The following DNAH8 variants were observed in gnomAD, a reference collection of about 807,000 sequenced individuals.
DNAH8 encodes dynein axonemal heavy chain 8.
In DNAH8, 382 loss-of-function variants were observed where a neutral mutation model predicts 562.1. The ratio of observed to expected loss-of-function variants is 0.68; its 90% CI spans 0.63 to 0.74. The LOEUF (loss-of-function observed/expected upper bound fraction) is 0.74. DNAH8 is among the 30% of genes least tolerant of loss of function. The pLI is 0.00. For synonymous variants in DNAH8, 1,881 were observed against 1,919.4 expected, an observed-to-expected ratio of 0.98 and a Z score of 0.52; for missense variants, 5,203 against 5,620.4, an observed-to-expected ratio of 0.93 and a Z score of 2.37.
At chr6:38,867,781 A>T (rs1327610737) in intron 47 of DNAH8, among the ~76,000 whole-genome samples, 2 of 151,536 alleles carry the variant, frequency 1.3e-5, no homozygotes, top group Admixed American at 6.6e-5. Context: ...AACAAAAAAG[A>T]AACTATTGTT....
intron 53 of DNAH8, among the ~76,000 whole-genome samples, chr6:38,877,469 A>G (rs1440978744): frequency 1.3e-5 from 2 of 152,194 alleles, no homozygotes; most frequent in Non-Finnish European, 2.9e-5. Flanking sequence ...TCCTTCTTCA[A>G]GGTGGTCCTG....
intron 16 of DNAH8, 73 bp from the exon 17 acceptor site, chr6:38,782,931 A>T: frequency 1.5e-6 from 2 of 1,344,342 alleles, no homozygotes; most frequent in Non-Finnish European, 2.1e-6. Context: ...TTTTACATAT[A>T]AGTACTTTCA....
rs1161773577 is a variant in DNAH8 at position 38,866,852 on chromosome 6, C to T, written c.6669C>T (p.Leu2223=). The change falls in exon 47 of 93, where the codon CTC becomes CTT. Residue 2223 remains leucine, a synonymous_variant. Transcript: ENST00000327475. The part of the protein sequence containing the change: ...LAQKFYVLYK[L]CEEQLTKQVH... Reference sequence around the variant, plus strand: ...AAAAATTTTACGTTCTTTACAAACTCTGTGAAGAGCAACTTACTAAACAGG... The same window carrying T: ...AAAAATTTTACGTTCTTTACAAACTTTGTGAAGAGCAACTTACTAAACAGG... 2 of 1,608,064 alleles carry T rather than the reference C, an allele frequency of 1.2e-6. No individual in the cohort carries two copies. The highest frequency in any genetic ancestry group is 2.7e-5 in the African/African-American group (2 of 74,764).
intron 29 of DNAH8, 124 bp downstream of exon 29, chr6:38,826,515 C>T (rs969908387): frequency 2.4e-5 from 16 of 664,194 alleles, no homozygotes; most frequent in African/African-American, 1.1e-4. Flanking sequence ...GCCTATTTCT[C>T]GTCTCTGATG....
intron 21 of DNAH8, among the ~76,000 whole-genome samples, chr6:38,799,620 A>G (rs1037120854): frequency 2.0e-5 from 3 of 152,198 alleles, no homozygotes; most frequent in African/African-American, 7.2e-5. Flanking sequence ...TAAAATTCAC[A>G]TACCCTACAA....
At chr6:38,925,052 C>T (rs552158314) in intron 73 of DNAH8, 11 of 152,226 alleles carry the variant, frequency 7.2e-5, no homozygotes, top group African/African-American at 2.6e-4. Flanking sequence ...TTGCTGTTTC[C>T]TTAGGGGATG....
intron 1 of DNAH8, among the ~76,000 whole-genome samples, chr6:38,716,053 G>C (rs1699008): frequency 0.2 from 28,440 of 141,542 alleles, 4,001 homozygotes; most frequent in African/African-American, 0.39. Context: ...CTGCCTCCCT[G>C]GTTCAAGCCA....
At chr6:38,859,969 T>G (rs1776485349) in intron 42 of DNAH8, among the ~76,000 whole-genome samples, 1 of 152,166 alleles carries the variant, frequency 6.6e-6, no homozygotes, top group Non-Finnish European at 1.5e-5. Flanking sequence ...TGTACTGACC[T>G]TTTTTCAATT....
intron 58 of DNAH8, 61 bp downstream of exon 58, chr6:38,890,822 C>T (rs2150486625): frequency 8.8e-7 from 1 of 1,135,432 alleles, no homozygotes; most frequent in South Asian, 1.3e-5. Flanking sequence ...CTAGATCACA[C>T]CTCGTGGCTC....
chr6:38,979,747 G>T (rs1296722036), intron 85 of DNAH8, among the ~76,000 whole-genome samples: 1 of 152,184 alleles, frequency 6.6e-6, no homozygotes, highest in African/African-American at 2.4e-5. Context: ...GTTGCTCAGT[G>T]CATATAAATA....
chr6:38,914,392 CTTTTTTTTTT>C (rs66765653), intron 67 of DNAH8, among the ~76,000 whole-genome samples: 8 of 63,990 alleles, frequency 1.3e-4, no homozygotes, highest in South Asian at 7.9e-4. Context: ...TGCTTTTTCT[CTTTTTTTTTT>C]TTTTTTTTTT....
In DNAH8 at chr6:38,938,093, C is replaced by G. The variant is rs2150592587; in HGVS notation, c.11683C>G (p.Gln3895Glu). Residue 3895 changes from glutamine (Q) to glutamate (E), a missense_variant, in exon 78 of 93, where the codon CAG becomes GAG. Gln to Glu is a conservative substitution (Grantham distance 29). This residue lies in a region of DNAH8 where 1,399 missense variants were observed against 1,518.4 expected (regional missense o/e 0.92). Coordinates refer to ENST00000327475, the MANE Select transcript of DNAH8 (RefSeq NM_001206927.2). Reference sequence around the variant, plus strand: ...AACTGAGATCAAGATCAACGCGGCTCAGGAGGAGTTCCGGCCCGCAGCCAC... The same window carrying G: ...AACTGAGATCAAGATCAACGCGGCTGAGGAGGAGTTCCGGCCCGCAGCCAC... ...AETEIKINAA[Q>E]EEFRPAATRG... The G allele has an allele frequency of 6.2e-7, 1 of 1,614,024 alleles. No homozygotes were observed. Among genetic ancestry groups the G allele is most frequent in the South Asian group, 1.1e-5 (1 of 91,064 alleles).
intron 58 of DNAH8, among the ~76,000 whole-genome samples, chr6:38,894,332 AT>A (rs1779535244): frequency 6.6e-6 from 1 of 152,224 alleles, no homozygotes; most frequent in Non-Finnish European, 1.5e-5. Context: ...AGTTTTTGTT[AT>A]GACATATTTC....
intron 12 of DNAH8, among the ~76,000 whole-genome samples, chr6:38,771,012 G>A (rs1767518685): frequency 6.6e-6 from 1 of 152,144 alleles, no homozygotes; most frequent in Admixed American, 6.6e-5. Context: ...ACAGACATAG[G>A]TTTGATTAAT....
chr6:38,951,471 A>C lies in DNAH8; in HGVS notation c.12402A>C (p.Gly4134=). 6.2e-7 allele frequency: 1 copy of C among 1,614,170 alleles called. No individual in the cohort carries two copies. The highest frequency in any genetic ancestry group is 8.5e-7 in the Non-Finnish European group (1 of 1,180,046). The change falls in exon 82 of 93, where the codon GGA becomes GGC. Residue 4134 remains glycine, a synonymous_variant. Transcript: ENST00000327475. ...CTCTGATATGCTTCCTGTCCATGGGATCTGACCCCACCAATCAAATTGATG... is the reference window on the plus strand; with the variant it reads ...CTCTGATATGCTTCCTGTCCATGGGCTCTGACCCCACCAATCAAATTGATG... ...RTPLICFLSM[G]SDPTNQIDAL...
Position 38,938,171 on chromosome 6 carries a change from A to G in DNAH8, c.11761A>G (p.Met3921Val), listed in dbSNP as rs1237393323. 6.2e-7 allele frequency: 1 copy of G among 1,614,080 alleles called. No homozygotes were observed. The highest frequency in any genetic ancestry group is 1.1e-5 in the South Asian group (1 of 91,080). The change falls in exon 78 of 93, where the codon ATG becomes GTG. Residue 3921 changes from methionine (M) to valine (V), a missense_variant. Met to Val is a conservative substitution (Grantham distance 21). Around this residue, in one of 6 missense-constraint regions of DNAH8, gnomAD observed 1,399 missense variants for 1,518.4 expected, o/e 0.92. Coordinates refer to ENST00000327475, the MANE Select transcript of DNAH8 (RefSeq NM_001206927.2). Reference protein sequence around the residue: ...LITEMSMVNIMYQTSLAQFLK... With the variant: ...LITEMSMVNIVYQTSLAQFLK... ...CACAGAGATGAGCATGGTCAACATC[A>G]TGTATCAGACGTCATTGGCCCAGTT... is the stretch of plus-strand genomic sequence containing the variant.
Position 38,851,580 on chromosome 6 carries a change from A to G in DNAH8, c.5372A>G (p.Glu1791Gly). The part of the protein sequence containing the change: ...VCQKSLTGYL[E>G]KKRLLFPRFF... ...GTCGACTTTATTTGAAGGTATTTGG[A>G]GAAGAAACGATTACTGTTTCCAAGA... is the stretch of plus-strand genomic sequence containing the variant. The change falls in exon 39 of 93, where the codon GAG becomes GGG. Residue 1791 changes from glutamate (E) to glycine (G), a missense_variant. By Grantham distance (98) the Glu-to-Gly change is moderately conservative (BLOSUM62 -2). This residue lies in a region of DNAH8 where 2,176 missense variants were observed against 2,365.1 expected (regional missense o/e 0.92). Coordinates refer to ENST00000327475, the MANE Select transcript of DNAH8 (RefSeq NM_001206927.2). The G allele has an allele frequency of 6.2e-7, 1 of 1,600,674 alleles. No individual in the cohort carries two copies. Among genetic ancestry groups the G allele is most frequent in the Non-Finnish European group, 8.5e-7 (1 of 1,174,484 alleles).
intron 76 of DNAH8, 66 bp downstream of exon 76, chr6:38,932,059 G>T (rs938470497): frequency 1.5e-5 from 19 of 1,261,522 alleles, no homozygotes; most frequent in Non-Finnish European, 2.0e-5. Flanking sequence ...TTGAGAAATT[G>T]CTAAGTATGT....
At chr6:39,004,567 T>G (rs1765684700) in intron 88 of DNAH8, among the ~76,000 whole-genome samples, 1 of 152,232 alleles carries the variant, frequency 6.6e-6, no homozygotes. Flanking sequence ...AGATGTAATC[T>G]GCATATCTTA....
Sources: allele counts gnomAD v4.1 joint callset (sites outside exome capture counted in the v4.1 genomes callset), GRCh38; gene constraint gnomAD v4.1.1; regional missense constraint gnomAD v4.1.1; transcripts MANE v1.5; gene names NCBI Gene and HGNC (gene_info 2026-07-23, HGNC 2026-07-21).